The following PLAC1 variants were observed in gnomAD, a reference collection of about 807,000 sequenced individuals.
The protein encoded by PLAC1 is placenta associated 1, also known as placenta-specific protein 1.
For missense variants in PLAC1, 136 were observed against 163.2 expected, an observed-to-expected ratio of 0.83 and a Z score of 0.91; for synonymous variants, 68 against 62.1, an observed-to-expected ratio of 1.09 and a Z score of -0.44.
At chrX:134,723,398 C>T (rs2078664273) in intron 2 of PLAC1, among the ~76,000 whole-genome samples, 1 of 107,757 alleles carries the variant, frequency 9.3e-6, no homozygotes, top group Non-Finnish European at 1.9e-5. Context: ...GCCTCAACCT[C>T]TCAAGCTCAA....
At chrX:134,673,307 AGAAG>A (rs1252972322) in intron 2 of PLAC1, among the ~76,000 whole-genome samples, 1 of 89,916 alleles carries the variant, frequency 1.1e-5, no homozygotes, top group Non-Finnish European at 2.2e-5. Context: ...AAGGAGGGAG[AGAAG>A]GAAGGAAGGA....
At position 134,750,802 on chromosome X, in the gene PLAC1, CA is replaced by C. The variant is rs748923622; in HGVS notation, n.89+13431del. Among the ~76,000 whole-genome samples, 47 of 9,963 alleles carry C rather than the reference CA, an allele frequency of 4.7e-3. 4 individuals carry two copies. Among genetic ancestry groups the C allele is most frequent in the African/African-American group, 0.015 (21 of 1,421 alleles). 8.7% of individuals were successfully genotyped at this position (9,963 alleles called of 115,157 possible). A position where few individuals can be genotyped will look rare whatever the true frequency, so the allele number is the denominator to read the frequency against. On this transcript the variant is annotated intron_variant and non_coding_transcript_variant, in intron 1 of 2. Coordinates refer to the PLAC1 transcript ENST00000466797. ...TGAAACCCTGTCTCTAATAAAAATACAAAAAAAAAAATATATATATATATAT... is the reference window on the plus strand; with the variant it reads ...TGAAACCCTGTCTCTAATAAAAATACAAAAAAAAAATATATATATATATAT...
rs2078466219 is a variant in PLAC1, at chrX:134,674,403, G to T, written n.174+59032C>A. Among the ~76,000 whole-genome samples the T allele has an allele frequency of 2.7e-5, 3 of 112,257 alleles. No homozygotes were observed. The South Asian group carries it at 1.1e-3, about 42-fold the overall frequency. On this transcript the variant is annotated intron_variant and non_coding_transcript_variant, in intron 2 of 2. Coordinates refer to the PLAC1 transcript ENST00000466797. Reference sequence around the variant, plus strand: ...AAGGTCACTCAGGAATGAAATGGAAGGGTTGGGGTAAGGGCAGGGATGTTT... The same window carrying T: ...AAGGTCACTCAGGAATGAAATGGAATGGTTGGGGTAAGGGCAGGGATGTTT...
intron 2 of PLAC1, among the ~76,000 whole-genome samples, chrX:134,700,962 A>G (rs76170676): frequency 2.7e-5 from 3 of 112,129 alleles, no homozygotes; most frequent in Non-Finnish European, 5.6e-5. Context: ...GAACCAAAAA[A>G]GAGCCCGAAT....
intron 1 of PLAC1, among the ~76,000 whole-genome samples, chrX:134,620,790 C>T (rs2078206921): frequency 8.9e-6 from 1 of 112,179 alleles, no homozygotes. Context: ...AGCTTCAAAC[C>T]AACTCCATGA....
chrX:134,685,405 C>T (rs2078513045), intron 2 of PLAC1, among the ~76,000 whole-genome samples: 1 of 99,390 alleles, frequency 1.0e-5, no homozygotes, highest in African/African-American at 3.7e-5. Context: ...GGAGGTAAAA[C>T]ATGGAAATAT....
At chrX:134,587,424 T>TAAA (rs1419962923) in intron 2 of PLAC1, among the ~76,000 whole-genome samples, 1 of 109,891 alleles carries the variant, frequency 9.1e-6, no homozygotes, top group Non-Finnish European at 1.9e-5. Flanking sequence ...AATAAATAAA[T>TAAA]TTAAAAAATA....
In PLAC1 at chrX:134,648,405, G is replaced by A. The variant is rs143065766; in HGVS notation, c.-131+9923C>T. On this transcript the variant is annotated intron_variant, in intron 1 of 2. Transcript: ENST00000359237. ...CCTTTTAAAAAAACATTTAAAAAACGTGGAGGCTGGGTGCTCACACCTGTA... is the reference window on the plus strand; with the variant it reads ...CCTTTTAAAAAAACATTTAAAAAACATGGAGGCTGGGTGCTCACACCTGTA... Among the ~76,000 whole-genome samples, 52 of 112,433 alleles carry A rather than the reference G, an allele frequency of 4.6e-4. No homozygotes were observed. The East Asian group carries it at 0.014, about 30-fold the overall frequency.
chrX:134,721,522 C>T (rs1386600952), intron 2 of PLAC1, among the ~76,000 whole-genome samples: 1 of 108,695 alleles, frequency 9.2e-6, no homozygotes, highest in Admixed American at 9.9e-5. Context: ...GAGCTATGAT[C>T]GCTGCCACTG....
chrX:134,677,751 G>C (rs747975808), intron 2 of PLAC1, among the ~76,000 whole-genome samples: 4 of 111,602 alleles, frequency 3.6e-5, no homozygotes, highest in African/African-American at 1.3e-4. Flanking sequence ...AGCCCGGGGG[G>C]TGACATGTTC....
chrX:134,579,791 T>C (rs1165878964), intron 2 of PLAC1, among the ~76,000 whole-genome samples: 1 of 111,399 alleles, frequency 9.0e-6, no homozygotes, highest in East Asian at 2.8e-4. Context: ...CTTAGGACAG[T>C]GAGGGCAGAT....
chrX:134,663,836 T>C lies in PLAC1; in HGVS notation n.175-61714A>G, dbSNP rs143769981. Among the ~76,000 whole-genome samples the C allele has an allele frequency of 5.2e-3, 581 of 112,432 alleles. 1 individual carries two copies. Among genetic ancestry groups the C allele is most frequent in the African/African-American group, 0.018 (548 of 30,962 alleles). Reference sequence around the variant, plus strand: ...AGCATTCAACAAGGACATTGGTTTTTATGTTTTTCTCTAAACAGTCATTAG... The same window carrying C: ...AGCATTCAACAAGGACATTGGTTTTCATGTTTTTCTCTAAACAGTCATTAG... On this transcript the variant is annotated intron_variant and non_coding_transcript_variant, in intron 2 of 2. Coordinates refer to the PLAC1 transcript ENST00000466797.
intron 2 of PLAC1, among the ~76,000 whole-genome samples, chrX:134,719,682 C>T (rs951396623): frequency 1.8e-5 from 2 of 111,029 alleles, no homozygotes; most frequent in Non-Finnish European, 3.8e-5. Flanking sequence ...CCCAGCTACT[C>T]GGGAGGCTGA....
intron 2 of PLAC1, among the ~76,000 whole-genome samples, chrX:134,591,624 G>C (rs1480804719): frequency 8.9e-6 from 1 of 112,709 alleles, no homozygotes; most frequent in African/African-American, 3.2e-5. Flanking sequence ...ATGAGAATTT[G>C]TGTGGACATA....
chrX:134,576,953 C>T (rs757490193), intron 2 of PLAC1, among the ~76,000 whole-genome samples: 1 of 111,901 alleles, frequency 8.9e-6, no homozygotes, highest in African/African-American at 3.2e-5. Flanking sequence ...TGTTTTAAGC[C>T]ACCCAGTTTG....
intron 1 of PLAC1, among the ~76,000 whole-genome samples, chrX:134,637,305 A>T (rs1483756749): frequency 9.0e-6 from 1 of 111,540 alleles, no homozygotes; most frequent in Non-Finnish European, 1.9e-5. Context: ...GACAGGACAG[A>T]AGGAAGAAGA....
At chrX:134,607,267 T>C in intron 1 of PLAC1, 1 of 144,856 alleles carries the variant, frequency 6.9e-6, no homozygotes, top group South Asian at 1.9e-4. Flanking sequence ...AAGGTGATAT[T>C]GTAGACATCA....
intron 1 of PLAC1, among the ~76,000 whole-genome samples, chrX:134,624,970 T>C (rs2124411931): frequency 9.0e-6 from 1 of 111,552 alleles, no homozygotes; most frequent in South Asian, 3.8e-4. Flanking sequence ...CCTTATTAAG[T>C]ATCATGTCTC....
Position 134,685,989 on chromosome X carries a change from C to G in PLAC1, n.174+47446G>C, listed in dbSNP as rs2078515691. 2.7e-5 allele frequency among the ~76,000 whole-genome samples: 3 copies of G among 111,199 alleles called. No homozygotes were observed. In the South Asian group the frequency reaches 1.2e-3, roughly 43 times the overall value. ...ATCTAGGATGACACTTAGGCACTAT[C>G]CACACAGCCTTGGATTATCAAGTGA... On this transcript the variant is annotated intron_variant and non_coding_transcript_variant, in intron 2 of 2. Coordinates refer to the PLAC1 transcript ENST00000466797.
Sources: allele counts gnomAD v4.1 joint callset (sites outside exome capture counted in the v4.1 genomes callset), GRCh38; gene constraint gnomAD v4.1.1; transcripts MANE v1.5; gene names NCBI Gene and HGNC (gene_info 2026-07-23, HGNC 2026-07-21).